The following FAIM variants were observed in gnomAD, a reference collection of about 807,000 sequenced individuals.
The protein encoded by FAIM is fas apoptotic inhibitory molecule 1.
In FAIM, 14 loss-of-function variants were observed where a neutral mutation model predicts 21.2. That is an observed-to-expected ratio of 0.66 (90% CI 0.44 to 1.03). The LOEUF (loss-of-function observed/expected upper bound fraction) is 1.03. Among genes scored for constraint, FAIM ranks in the 50% least tolerant of loss-of-function variants. The pLI, the probability that FAIM is intolerant of heterozygous loss-of-function variation, is 0.00. For synonymous variants in FAIM, 86 were observed against 80.4 expected (o/e 1.07, Z -0.37); for missense variants, 222 against 247.1 (o/e 0.90, Z 0.68).
At position 138,611,176 on chromosome 3, in the gene FAIM, G is replaced by A. The variant is rs181572129; in HGVS notation, c.-17+2239G>A. The A allele has an allele frequency of 1.9e-4, 140 of 728,212 alleles. 1 individual carries two copies. The African/African-American group carries it at 2.1e-3, about 11-fold the overall frequency. The allele number at this position is 728,212 out of a possible 1,614,324, so 45.1% of individuals were successfully genotyped here. ...TGTGACAGATATTTCTGAGTGAAGT[G>A]GAAATTGGGGACAAGGACAGATGTT... On this transcript the variant is annotated intron_variant, in intron 1 of 5. Coordinates refer to ENST00000360570, the MANE Select transcript of FAIM (RefSeq NM_001033031.2).
At chr3:138,629,058 T>G in intron 4 of FAIM, 49 bp from the exon 5 acceptor site, 1 of 1,399,882 alleles carries the variant, frequency 7.1e-7, no homozygotes, top group Non-Finnish European at 1.0e-6. Flanking sequence ...GTTAACTTTA[T>G]CTTTAAATCA....
At chr3:138,621,914 C>T (rs1192230578) in intron 3 of FAIM, among the ~76,000 whole-genome samples, 1 of 152,142 alleles carries the variant, frequency 6.6e-6, no homozygotes, top group Non-Finnish European at 1.5e-5. Context: ...TCTCAAGTAG[C>T]TGGGATTACA....
At chr3:138,612,096 A>ATTTT (rs138371254) in intron 1 of FAIM, among the ~76,000 whole-genome samples, 13 of 100,768 alleles carry the variant, frequency 1.3e-4, no homozygotes, top group African/African-American at 4.3e-4. Flanking sequence ...TTGTCTGGCT[A>ATTTT]TTTTTTTTTT....
At chr3:138,617,133 C>T (rs1577008725) in intron 1 of FAIM, among the ~76,000 whole-genome samples, 2 of 151,882 alleles carry the variant, frequency 1.3e-5, no homozygotes, top group East Asian at 3.9e-4. Context: ...GCCTTTTATA[C>T]TTCTCCATGA....
chr3:138,632,930 G>T lies in FAIM; in HGVS notation c.457G>T (p.Gly153Cys), dbSNP rs748386012. 6.2e-7 allele frequency: 1 copy of T among 1,611,726 alleles called. No individual in the cohort carries two copies. Among genetic ancestry groups the T allele is most frequent in the South Asian group, 1.1e-5 (1 of 90,566 alleles). ...WCNGKKLETA[G>C]EFVDDGTETH... ...ATTCCTTCTTCTTTTGTTGCTCCAG[G>T]GTGAGTTTGTAGATGATGGGACTGA... is the stretch of plus-strand genomic sequence containing the variant. The change falls in exon 6 of 6, where the codon GGT (glycine) becomes TGT (cysteine). Residue 153 changes from glycine to cysteine, a missense_variant and splice_region_variant. Transcript: ENST00000360570.
Position 138,629,509 on chromosome 3 carries a change from G to A in FAIM, c.456+353G>A, listed in dbSNP as rs149142771. Reference sequence around the variant, plus strand: ...TGTGTTGATCCATTTGAAGTGGTGCGTTATCACTGCTTCTCAAACTTGCAT... The same window carrying A: ...TGTGTTGATCCATTTGAAGTGGTGCATTATCACTGCTTCTCAAACTTGCAT... On this transcript the variant is annotated intron_variant, in intron 5 of 5. Coordinates refer to ENST00000360570, the MANE Select transcript of FAIM (RefSeq NM_001033031.2). 28 of 167,544 alleles carry A rather than the reference G, an allele frequency of 1.7e-4. No homozygotes were observed. The East Asian group carries it at 3.9e-3, about 23-fold the overall frequency. 10.4% of individuals were successfully genotyped at this position (167,544 alleles called of 1,614,324 possible).
chr3:138,610,858 C>T (rs562813162), intron 1 of FAIM: 83 of 945,428 alleles, frequency 8.8e-5, no homozygotes, highest in African/African-American at 7.3e-4. Context: ...GCTGGGATTA[C>T]GGGGTGTGAG....
chr3:138,609,101 G>T, intron 1 of FAIM, 164 bp downstream of exon 1: 1 of 152,986 alleles, frequency 6.5e-6, no homozygotes, highest in South Asian at 2.0e-4. Flanking sequence ...GGCGGCGGCG[G>T]GCGGTGTTTG....
intron 5 of FAIM, among the ~76,000 whole-genome samples, chr3:138,632,157 G>T (rs1053257444): frequency 6.6e-6 from 1 of 150,772 alleles, no homozygotes; most frequent in Non-Finnish European, 1.5e-5. Flanking sequence ...ATGAGGCACA[G>T]ATAGGACCTT....
At chr3:138,618,806 C>T (rs568887021) in intron 1 of FAIM, among the ~76,000 whole-genome samples, 2 of 152,272 alleles carry the variant, frequency 1.3e-5, no homozygotes, top group South Asian at 4.1e-4. Flanking sequence ...AAGGAAAGGG[C>T]TAAACTAGGA....
chr3:138,629,198 G>C, intron 5 of FAIM, 42 bp downstream of exon 5: 2 of 1,474,498 alleles, frequency 1.4e-6, no homozygotes, highest in Non-Finnish European at 1.9e-6. Flanking sequence ...ATGTGTCTCA[G>C]TTACCATTGA....
Position 138,621,535 on chromosome 3 carries a change from G to C in FAIM, c.173G>C (p.Gly58Ala). 1 of 1,611,214 alleles carries C rather than the reference G, an allele frequency of 6.2e-7. No individual in the cohort carries two copies. The highest frequency in any genetic ancestry group is 1.1e-5 in the South Asian group (1 of 90,548). ...TSGKRVVYVD[G>A]KEEIRKEWMF... The stretch of plus-strand genomic sequence containing the variant: ...GGCAAACGAGTAGTATATGTAGATG[G>C]AAAGGTAGGAAGAAAATATGTTACT... The change falls in exon 3 of 6, where the codon GGA becomes GCA. Residue 58 changes from glycine (G) to alanine (A), a missense_variant. Physicochemically the swap from Gly to Ala is moderately conservative, Grantham distance 60. Transcript: ENST00000360570.
chr3:138,627,174 C>CT (rs1481583722), intron 4 of FAIM, among the ~76,000 whole-genome samples: 1 of 148,932 alleles, frequency 6.7e-6, no homozygotes, highest in African/African-American at 2.5e-5. Flanking sequence ...TGTGCTGTGG[C>CT]TTTTTTACTT....
chr3:138,624,036 T>G (rs980195956), intron 4 of FAIM, among the ~76,000 whole-genome samples: 1 of 152,226 alleles, frequency 6.6e-6, no homozygotes, highest in African/African-American at 2.4e-5. Flanking sequence ...GAATCTCATT[T>G]TTTTCTTTCC....
At chr3:138,623,833 A>G (rs2042913242) in intron 4 of FAIM, among the ~76,000 whole-genome samples, 2 of 152,186 alleles carry the variant, frequency 1.3e-5, no homozygotes, top group Non-Finnish European at 2.9e-5. Context: ...GTTTACTGGA[A>G]TATATTCCTT....
chr3:138,627,637 A>G (rs1454169367), intron 4 of FAIM, among the ~76,000 whole-genome samples: 3 of 152,210 alleles, frequency 2.0e-5, no homozygotes, highest in Non-Finnish European at 4.4e-5. Context: ...AGTTTCTACC[A>G]TCATCGTGGT....
intron 1 of FAIM, chr3:138,609,174 C>T (rs111398337): frequency 0.47 from 70,771 of 151,548 alleles, 18,731 homozygotes; most frequent in South Asian, 0.64. Flanking sequence ...CCAGCCGGCC[C>T]GCCGGTGATC....
chr3:138,621,542 A>G lies in FAIM; in HGVS notation c.177+3A>G. The G allele has an allele frequency of 1.2e-6, 2 of 1,610,394 alleles. No individual in the cohort carries two copies. The highest frequency in any genetic ancestry group is 2.7e-5 in the African/African-American group (2 of 74,844). On this transcript the variant is annotated splice_donor_region_variant and intron_variant, in intron 3 of 5. Coordinates refer to ENST00000360570, the MANE Select transcript of FAIM (RefSeq NM_001033031.2). ...GAGTAGTATATGTAGATGGAAAGGT[A>G]GGAAGAAAATATGTTACTTTGTAAA...
At chr3:138,622,884 C>T (rs1231354681) in intron 4 of FAIM, among the ~76,000 whole-genome samples, 1 of 151,720 alleles carries the variant, frequency 6.6e-6, no homozygotes, top group Non-Finnish European at 1.5e-5. Flanking sequence ...ACTAAAAATA[C>T]AAAAATTAGC....
Sources: gnomAD v4.1 joint callset for allele counts (sites outside exome capture counted in the v4.1 genomes callset) on GRCh38, gnomAD v4.1.1 for gene constraint, MANE v1.5 for transcripts, NCBI Gene and HGNC (gene_info 2026-07-23, HGNC 2026-07-21) for gene names.